TTC28: variants seen among roughly 807,000 people sequenced by gnomAD.
The protein encoded by TTC28 is tetratricopeptide repeat domain 28, also known as tetratricopeptide repeat protein 28.
A neutral mutation model predicts 198.0 loss-of-function variants in TTC28; 61 were observed. The ratio of observed to expected loss-of-function variants is 0.31; its 90% CI spans 0.25 to 0.38. The LOEUF (loss-of-function observed/expected upper bound fraction) is 0.38. Among genes scored for constraint, TTC28 ranks in the 10% least tolerant of loss-of-function variants. The pLI, the probability that TTC28 is intolerant of heterozygous loss-of-function variation, is 1.00. For missense variants in TTC28, 2,678 were observed against 3,164.0 expected (o/e 0.85, Z 3.69); for synonymous variants, 1,171 against 1,297.8 (o/e 0.90, Z 2.10).
chr22:28,623,086 G>C (rs141743048), intron 2 of TTC28, among the ~76,000 whole-genome samples: 3,700 of 152,154 alleles, frequency 0.024, 62 homozygotes, highest in South Asian at 0.039. Flanking sequence ...GCCTCCCAAA[G>C]TGCTGGGATT....
chr22:28,239,835 A>G (rs1200752394), intron 5 of TTC28, among the ~76,000 whole-genome samples: 1 of 152,192 alleles, frequency 6.6e-6, no homozygotes, highest in Non-Finnish European at 1.5e-5. Flanking sequence ...AAGAATCTGT[A>G]ACAGCCTTTC....
chr22:28,288,983 A>G (rs541475664), intron 5 of TTC28, among the ~76,000 whole-genome samples: 2 of 152,316 alleles, frequency 1.3e-5, no homozygotes, highest in East Asian at 3.9e-4. Flanking sequence ...TCACAGACCC[A>G]AGTAGTATAC....
At chr22:28,186,382 T>C (rs948215369) in intron 5 of TTC28, among the ~76,000 whole-genome samples, 1 of 152,190 alleles carries the variant, frequency 6.6e-6, no homozygotes, top group Non-Finnish European at 1.5e-5. Flanking sequence ...GTCTGGTTAA[T>C]GTGTCTGGCT....
At chr22:28,602,190 A>T (rs2050650668) in intron 2 of TTC28, among the ~76,000 whole-genome samples, 1 of 152,212 alleles carries the variant, frequency 6.6e-6, no homozygotes, top group Non-Finnish European at 1.5e-5. Context: ...AATAACAATC[A>T]GGAACCCAAG....
intron 2 of TTC28, among the ~76,000 whole-genome samples, chr22:28,379,427 G>C (rs1366174174): frequency 6.6e-6 from 1 of 152,090 alleles, no homozygotes; most frequent in Non-Finnish European, 1.5e-5. Context: ...ACATATAATG[G>C]AATATTATTC....
At chr22:28,563,213 T>G (rs1356614231) in intron 2 of TTC28, among the ~76,000 whole-genome samples, 4 of 152,222 alleles carry the variant, frequency 2.6e-5, no homozygotes. Flanking sequence ...TAAAGTTTTT[T>G]GCTCAATGAC....
At chr22:28,366,064 C>T (rs865805705) in intron 2 of TTC28, among the ~76,000 whole-genome samples, 3 of 152,162 alleles carry the variant, frequency 2.0e-5, no homozygotes, top group African/African-American at 7.2e-5. Flanking sequence ...AATTTGGCAG[C>T]GGTTAGCTCA....
At chr22:28,332,631 T>G (rs1471080135) in intron 2 of TTC28, among the ~76,000 whole-genome samples, 2 of 152,104 alleles carry the variant, frequency 1.3e-5, no homozygotes, top group Non-Finnish European at 2.9e-5. Flanking sequence ...CAACAAAATC[T>G]TCATTCACTT....
chr22:28,429,881 A>G (rs2146198750), intron 2 of TTC28, among the ~76,000 whole-genome samples: 1 of 152,310 alleles, frequency 6.6e-6, no homozygotes, highest in South Asian at 2.1e-4. Flanking sequence ...TGACAGGAGA[A>G]TGCTCCAAGT....
chr22:28,076,317 A>G (rs9625395), intron 12 of TTC28, among the ~76,000 whole-genome samples: 12,500 of 152,262 alleles, frequency 0.082, 550 homozygotes, highest in African/African-American at 0.092. Context: ...TCACCAGTGC[A>G]TGGGGACTGC....
chr22:28,194,168 A>G (rs1040214793), intron 5 of TTC28, among the ~76,000 whole-genome samples: 45 of 151,888 alleles, frequency 3.0e-4, no homozygotes, highest in African/African-American at 4.3e-4. Context: ...TGAACAACGT[A>G]CTCCTCAATG....
intron 5 of TTC28, among the ~76,000 whole-genome samples, chr22:28,249,518 T>C (rs1475811235): frequency 6.6e-6 from 1 of 152,192 alleles, no homozygotes; most frequent in African/African-American, 2.4e-5. Context: ...CCAGAGATAA[T>C]TTAAGTGAAT....
intron 6 of TTC28, among the ~76,000 whole-genome samples, chr22:28,146,849 C>T (rs1365333725): frequency 6.6e-6 from 1 of 151,824 alleles, no homozygotes; most frequent in African/African-American, 2.4e-5. Context: ...CTGATGAGGG[C>T]TTGCTTTACA....
intron 2 of TTC28, among the ~76,000 whole-genome samples, chr22:28,319,562 G>C (rs1249756664): frequency 6.6e-6 from 1 of 152,044 alleles, no homozygotes; most frequent in Non-Finnish European, 1.5e-5. Context: ...AATGGGGGAG[G>C]TTATACATGT....
intron 5 of TTC28, among the ~76,000 whole-genome samples, chr22:28,220,664 T>C (rs1179812825): frequency 2.0e-5 from 3 of 152,320 alleles, no homozygotes; most frequent in African/African-American, 7.2e-5. Flanking sequence ...GGCTACAATC[T>C]TACATAATCA....
chr22:28,121,113 G>A (rs1234162361), intron 6 of TTC28, among the ~76,000 whole-genome samples: 1 of 152,180 alleles, frequency 6.6e-6, no homozygotes, highest in Non-Finnish European at 1.5e-5. Flanking sequence ...AGGCTCCTGA[G>A]GCTGGCTCAC....
chr22:28,633,019 C>T (rs561931466), intron 1 of TTC28, among the ~76,000 whole-genome samples: 1 of 151,906 alleles, frequency 6.6e-6, no homozygotes, highest in Admixed American at 6.6e-5. Context: ...GTGGCTCACA[C>T]CTGTAATCCC....
intron 2 of TTC28, among the ~76,000 whole-genome samples, chr22:28,554,215 T>C (rs2145974052): frequency 6.6e-6 from 1 of 152,054 alleles, no homozygotes; most frequent in African/African-American, 2.4e-5. Flanking sequence ...TAATCTCAAG[T>C]ACCCAGGGAC....
chr22:28,384,726 C>A (rs1438171845), intron 2 of TTC28, among the ~76,000 whole-genome samples: 1 of 152,218 alleles, frequency 6.6e-6, no homozygotes, highest in Non-Finnish European at 1.5e-5. Context: ...CTCTCCATTT[C>A]CACTACCACT....
Sources: gnomAD v4.1 joint callset for allele counts (sites outside exome capture counted in the v4.1 genomes callset) on GRCh38, gnomAD v4.1.1 for gene constraint, MANE v1.5 for transcripts, NCBI Gene and HGNC (gene_info 2026-07-23, HGNC 2026-07-21) for gene names.